Variants in PLA2G4A observed in about 807,000 individuals in gnomAD.
The protein encoded by PLA2G4A is cytosolic phospholipase A2.
A neutral mutation model predicts 81.9 loss-of-function variants in PLA2G4A; 40 were observed. The ratio of observed to expected loss-of-function variants is 0.49; its 90% CI spans 0.38 to 0.64. The LOEUF (loss-of-function observed/expected upper bound fraction) is 0.64. Among genes scored for constraint, PLA2G4A ranks in the 30% least tolerant of loss-of-function variants. PLA2G4A has a pLI of 0.00. For missense variants in PLA2G4A, 715 were observed against 905.1 expected (o/e 0.79, Z 2.69); for synonymous variants, 302 against 296.9 (o/e 1.02, Z -0.18).
chr1:186,962,489 TA>T (rs1417466627), intron 14 of PLA2G4A, among the ~76,000 whole-genome samples: 2 of 48,564 alleles, frequency 4.1e-5, no homozygotes, highest in Admixed American at 2.1e-4. Flanking sequence ...TATTTTATTT[TA>T]TTTATTTATT....
intron 2 of PLA2G4A, among the ~76,000 whole-genome samples, chr1:186,870,070 A>G (rs1397354000): frequency 6.6e-6 from 1 of 152,198 alleles, no homozygotes; most frequent in East Asian, 1.9e-4. Flanking sequence ...CAACAAACGA[A>G]TCTAGAATGT....
At chr1:186,860,070 G>C (rs925767688) in intron 2 of PLA2G4A, among the ~76,000 whole-genome samples, 1 of 152,006 alleles carries the variant, frequency 6.6e-6, no homozygotes, top group Non-Finnish European at 1.5e-5. Context: ...GAATTTCTTT[G>C]AGCACTAAAA....
intron 7 of PLA2G4A, among the ~76,000 whole-genome samples, chr1:186,919,038 C>T (rs571871486): frequency 1.8e-4 from 27 of 152,338 alleles, no homozygotes; most frequent in Non-Finnish European, 2.6e-4. Flanking sequence ...GGTTAAAACT[C>T]CAACTGCCAT....
chr1:186,966,773 A>G (rs576839069), intron 15 of PLA2G4A, among the ~76,000 whole-genome samples: 1 of 152,322 alleles, frequency 6.6e-6, no homozygotes, highest in Non-Finnish European at 1.5e-5. Flanking sequence ...GTTAAAGTGC[A>G]TAGGACTCAG....
chr1:186,914,389 CAGACAAAAACCCCTCAGACACCGAGTTAA>C (rs111691433), intron 7 of PLA2G4A, among the ~76,000 whole-genome samples: 84,366 of 151,470 alleles, frequency 0.56, 24,916 homozygotes, highest in African/African-American at 0.75. Context: ...GGACAAGCCA[CAGACAAAAACCCCTCAGACACCGAGTTAA>C]AGAAGGAAGG....
chr1:186,940,510 C>T (rs1421007888), intron 10 of PLA2G4A, among the ~76,000 whole-genome samples: 2 of 152,112 alleles, frequency 1.3e-5, no homozygotes, highest in African/African-American at 4.8e-5. Flanking sequence ...TTCCAGGCCC[C>T]CCTGTGGATA....
intron 1 of PLA2G4A, among the ~76,000 whole-genome samples, chr1:186,830,628 A>AAAAAAAAAAAAAAAAAAAT (rs1651518207): frequency 6.7e-6 from 1 of 150,308 alleles, no homozygotes; most frequent in African/African-American, 2.5e-5. Context: ...AAAAAAAAAA[A>AAAAAAAAAAAAAAAAAAAT]AAAAGTAAGT....
At chr1:186,919,763 C>G (rs1655279031) in intron 7 of PLA2G4A, among the ~76,000 whole-genome samples, 1 of 152,186 alleles carries the variant, frequency 6.6e-6, no homozygotes, top group African/African-American at 2.4e-5. Flanking sequence ...CCTCAGCCAG[C>G]AGCAGCCCTA....
intron 9 of PLA2G4A, among the ~76,000 whole-genome samples, chr1:186,939,603 GA>G (rs1341565140): frequency 6.6e-6 from 1 of 152,010 alleles, no homozygotes; most frequent in Admixed American, 6.6e-5. Flanking sequence ...ATAGAGTCAA[GA>G]AAGGAAGGGG....
chr1:186,873,759 T>C (rs1399825262), intron 3 of PLA2G4A, among the ~76,000 whole-genome samples: 1 of 152,122 alleles, frequency 6.6e-6, no homozygotes, highest in African/African-American at 2.4e-5. Context: ...AAACTGTCTT[T>C]TGAAGAGTCA....
At chr1:186,956,510 G>GTTGT (rs1656761471) in intron 14 of PLA2G4A, among the ~76,000 whole-genome samples, 166 bp downstream of exon 14, 2 of 151,898 alleles carry the variant, frequency 1.3e-5, no homozygotes, top group Admixed American at 6.6e-5. Flanking sequence ...TTTTTTTGTT[G>GTTGT]TTGTTTGTTT....
At chr1:186,886,829 C>A (rs1653952975) in intron 3 of PLA2G4A, among the ~76,000 whole-genome samples, 4 of 152,120 alleles carry the variant, frequency 2.6e-5, no homozygotes, top group Non-Finnish European at 5.9e-5. Context: ...AGAACAGTAA[C>A]TTTGTTGCCT....
Position 186,940,041 on chromosome 1 carries a change from C to A in PLA2G4A, c.980C>A (p.Pro327His). 6.2e-7 allele frequency: 1 copy of A among 1,610,148 alleles called. No homozygotes were observed. Among genetic ancestry groups the A allele is most frequent in the Non-Finnish European group, 8.5e-7 (1 of 1,176,536 alleles). The change falls in exon 10 of 18, where the codon CCT becomes CAT. Residue 327 changes from proline (P) to histidine (H), a missense_variant. Transcript: ENST00000367466. The part of the protein sequence containing the change: ...EKVNTAQCPL[P>H]LFTCLHVKPD... The stretch of plus-strand genomic sequence containing the variant: ...GTTAATACTGCACAATGCCCTTTAC[C>A]TCTTTTCACCTGTCTTCATGTCAAA...
At chr1:186,875,896 C>T (rs1653479545) in intron 3 of PLA2G4A, among the ~76,000 whole-genome samples, 1 of 152,102 alleles carries the variant, frequency 6.6e-6, no homozygotes, top group African/African-American at 2.4e-5. Flanking sequence ...GGCTGTTCTC[C>T]CAAAGGGAAG....
intron 7 of PLA2G4A, among the ~76,000 whole-genome samples, chr1:186,917,953 A>C (rs1655200417): frequency 6.6e-6 from 1 of 152,162 alleles, no homozygotes; most frequent in Non-Finnish European, 1.5e-5. Context: ...CCGGCCTAAC[A>C]ATTCTTCAAG....
chr1:186,961,534 C>A (rs1035205307), intron 14 of PLA2G4A, among the ~76,000 whole-genome samples: 1 of 152,088 alleles, frequency 6.6e-6, no homozygotes, highest in Non-Finnish European at 1.5e-5. Flanking sequence ...TACTTACCAT[C>A]AATTTATCTT....
chr1:186,873,425 CTGT>C (rs1190022028), intron 3 of PLA2G4A, among the ~76,000 whole-genome samples: 3 of 152,088 alleles, frequency 2.0e-5, no homozygotes, highest in African/African-American at 7.2e-5. Flanking sequence ...ACATCCTCTT[CTGT>C]TGTTGATAGT....
intron 12 of PLA2G4A, among the ~76,000 whole-genome samples, chr1:186,949,684 C>T (rs912157910): frequency 6.6e-6 from 1 of 151,932 alleles, no homozygotes; most frequent in African/African-American, 2.4e-5. Context: ...TTTATTAACC[C>T]TTCCATTACT....
At chr1:186,922,007 C>T (rs1336905815) in intron 7 of PLA2G4A, among the ~76,000 whole-genome samples, 1 of 152,192 alleles carries the variant, frequency 6.6e-6, no homozygotes, top group Non-Finnish European at 1.5e-5. Context: ...GCCAGTCTAT[C>T]TCACAGAAAG....
Sources: allele counts gnomAD v4.1 joint callset (sites outside exome capture counted in the v4.1 genomes callset), GRCh38; gene constraint gnomAD v4.1.1; transcripts MANE v1.5; gene names NCBI Gene and HGNC (gene_info 2026-07-23, HGNC 2026-07-21).